The following SNTN variants were observed in gnomAD, a reference collection of about 807,000 sequenced individuals.
The protein encoded by SNTN is sentan.
SNTN carries 13 observed loss-of-function variants against 12.3 expected under a neutral mutation model. The ratio of observed to expected loss-of-function variants is 1.05; its 90% confidence interval spans 0.69 to 1.67. SNTN has a LOEUF of 1.67. Among genes scored for constraint, SNTN ranks in the 40% most tolerant of loss-of-function variants. The pLI is 0.00. For synonymous variants in SNTN, 69 were observed against 58.5 expected, an observed-to-expected ratio of 1.18 and a Z score of -0.82; for missense variants, 189 against 169.8, an observed-to-expected ratio of 1.11 and a Z score of -0.63.
At chr3:63,663,812 T>C in intron 3 of SNTN, 125 bp from the exon 4 acceptor site, 2 of 1,276,732 alleles carry the variant, frequency 1.6e-6, no homozygotes, top group Non-Finnish European at 2.2e-6. Context: ...CTTTTTTCTT[T>C]ATAAATCACT....
intron 2 of SNTN, among the ~76,000 whole-genome samples, chr3:63,657,529 C>A (rs1309810391): frequency 6.6e-6 from 1 of 152,190 alleles, no homozygotes; most frequent in African/African-American, 2.4e-5. Flanking sequence ...TTAGAACAAC[C>A]AGAGTTCCTC....
intron 3 of SNTN, among the ~76,000 whole-genome samples, chr3:63,662,329 C>A (rs1333982910): frequency 6.6e-6 from 1 of 152,172 alleles, no homozygotes; most frequent in Non-Finnish European, 1.5e-5. Context: ...TGGCGAAGGC[C>A]TGAGTTCTAA....
At chr3:63,653,377 G>A (rs1013283294) in intron 1 of SNTN, among the ~76,000 whole-genome samples, 2 of 152,036 alleles carry the variant, frequency 1.3e-5, no homozygotes, top group African/African-American at 4.8e-5. Context: ...ATTGTGCAAA[G>A]TGAAACGTCC....
intron 2 of SNTN, among the ~76,000 whole-genome samples, chr3:63,655,960 T>C (rs1433278330): frequency 6.6e-6 from 1 of 152,030 alleles, no homozygotes; most frequent in Non-Finnish European, 1.5e-5. Context: ...AGTGGGAAAA[T>C]TTGAGAAGCA....
intron 3 of SNTN, 175 bp from the exon 4 acceptor site, chr3:63,663,762 C>G: frequency 1.3e-6 from 1 of 781,152 alleles, no homozygotes; most frequent in Non-Finnish European, 2.2e-6. Context: ...GATGCCTGAT[C>G]TTGAACTTTC....
chr3:63,657,967 C>A (rs1355827155), intron 2 of SNTN, among the ~76,000 whole-genome samples: 1 of 152,198 alleles, frequency 6.6e-6, no homozygotes, highest in Admixed American at 6.5e-5. Flanking sequence ...ATCCTCCTCA[C>A]CTTTAACTGA....
At chr3:63,661,657 A>ATT (rs111581054) in intron 3 of SNTN, among the ~76,000 whole-genome samples, 31 of 146,610 alleles carry the variant, frequency 2.1e-4, no homozygotes, top group South Asian at 1.9e-3. Flanking sequence ...TATTTTTCTG[A>ATT]TTTTTTTTTT....
In SNTN at chr3:63,664,389, A is replaced by T. The variant is rs956292982; in HGVS notation, c.*294A>T. 4.4e-6 allele frequency: 1 copy of T among 225,600 alleles called. No individual in the cohort carries two copies. The highest frequency in any genetic ancestry group is 8.6e-6 in the Non-Finnish European group (1 of 116,036). The allele number at this position is 225,600 out of a possible 1,614,324, so 14.0% of individuals were successfully genotyped here. A position where few individuals can be genotyped will look rare whatever the true frequency, so the allele number is the denominator to read the frequency against. ...TAGAGCACTCTACTTATAGTCATTG[A>T]GTCACTCATTTATTCACTAAACATT... is the stretch of plus-strand genomic sequence containing the variant. On this transcript the variant is annotated 3_prime_UTR_variant, in exon 4 of 4. Transcript: ENST00000343837.
intron 3 of SNTN, 157 bp from the exon 4 acceptor site, chr3:63,663,780 C>T (rs1700768603): frequency 3.3e-6 from 3 of 897,096 alleles, no homozygotes; most frequent in Non-Finnish European, 5.4e-6. Flanking sequence ...TTCCAGCCAT[C>T]AGAATTGTAA....
chr3:63,654,695 T>C lies in SNTN; in HGVS notation c.111-67T>C, dbSNP rs555726951. The C allele has an allele frequency of 9.8e-5, 132 of 1,349,556 alleles. 2 individuals are homozygous for C. In the South Asian group the frequency reaches 1.5e-3, roughly 15 times the overall value. The allele number at this position is 1,349,556 out of a possible 1,614,324, so 83.6% of individuals were successfully genotyped here. ...CAATTTTTAAATCATTATATTGCTC[T>C]GCTATAGATGCTGATATCAATACCC... On this transcript the variant is annotated intron_variant, in intron 1 of 3. Transcript: ENST00000343837.
intron 2 of SNTN, among the ~76,000 whole-genome samples, chr3:63,658,840 G>A (rs1245982483): frequency 6.6e-6 from 1 of 152,120 alleles, no homozygotes; most frequent in East Asian, 1.9e-4. Flanking sequence ...ACTGAAAGCT[G>A]GGACATTTTG....
chr3:63,659,576 T>C (rs4688419), intron 2 of SNTN, 149 bp from the exon 3 acceptor site: 122,220 of 774,058 alleles, frequency 0.16, 10,186 homozygotes, highest in South Asian at 0.2. Flanking sequence ...GATGCAGGAT[T>C]GGAAACTCCC....
Position 63,652,742 on chromosome 3 carries a change from C to T in SNTN, c.55C>T (p.Pro19Ser). The T allele has an allele frequency of 2.5e-6, 4 of 1,614,048 alleles. No individual in the cohort carries two copies. Among genetic ancestry groups the T allele is most frequent in the Non-Finnish European group, 3.4e-6 (4 of 1,179,966 alleles). ...CAAATCTCTCCACTTGGAAGGAGAT[C>T]CCAATCCTTCTGCAGCCCCAACATC... The part of the protein sequence containing the change: ...QDKSLHLEGD[P>S]NPSAAPTSTC... The change falls in exon 1 of 4, where the codon CCC becomes TCC. Residue 19 changes from proline to serine, a missense_variant. Physicochemically the swap from Pro to Ser is moderately conservative, Grantham distance 74 (BLOSUM62 -1). Transcript: ENST00000343837.
Position 63,664,370 on chromosome 3 carries a change from A to T in SNTN, c.*275A>T. On this transcript the variant is annotated 3_prime_UTR_variant, in exon 4 of 4. Coordinates refer to ENST00000343837, the MANE Select transcript of SNTN (RefSeq NM_001080537.2). The stretch of plus-strand genomic sequence containing the variant: ...TGCTGAGTCAGTAGCGACCTAGAGC[A>T]CTCTACTTATAGTCATTGAGTCACT... 3.4e-6 allele frequency: 1 copy of T among 296,172 alleles called. No homozygotes were observed. Among genetic ancestry groups the T allele is most frequent in the Non-Finnish European group, 6.3e-6 (1 of 159,476 alleles). 18.3% of individuals were successfully genotyped at this position (296,172 alleles called of 1,614,324 possible).
At chr3:63,658,865 A>G (rs13059251) in intron 2 of SNTN, among the ~76,000 whole-genome samples, 28,784 of 152,184 alleles carry the variant, frequency 0.19, 2,878 homozygotes, top group African/African-American at 0.26. Flanking sequence ...TATTTTCTTC[A>G]GATTCATTCA....
chr3:63,655,192 G>A (rs1700663698), intron 2 of SNTN, among the ~76,000 whole-genome samples: 1 of 152,186 alleles, frequency 6.6e-6, no homozygotes. Context: ...TGTTGACTGA[G>A]TGGAAACAGT....
At chr3:63,655,319 T>G (rs575460344) in intron 2 of SNTN, among the ~76,000 whole-genome samples, 1 of 152,318 alleles carries the variant, frequency 6.6e-6, no homozygotes, top group South Asian at 2.1e-4. Context: ...AACGCTTGTA[T>G]ACTTGGATCA....
chr3:63,662,980 A>G (rs1271363369), intron 3 of SNTN, among the ~76,000 whole-genome samples: 3 of 152,248 alleles, frequency 2.0e-5, no homozygotes, highest in African/African-American at 7.2e-5. Context: ...CTGTGAACAT[A>G]GTTTGATTTA....
intron 3 of SNTN, among the ~76,000 whole-genome samples, chr3:63,663,405 TTGA>T (rs1322368197): frequency 1.3e-5 from 2 of 152,232 alleles, no homozygotes; most frequent in Non-Finnish European, 2.9e-5. Flanking sequence ...TGTTGGCAAC[TTGA>T]TGTGTTATTA....
Sources: allele counts gnomAD v4.1 joint callset (sites outside exome capture counted in the v4.1 genomes callset), GRCh38; gene constraint gnomAD v4.1.1; transcripts MANE v1.5; gene names NCBI Gene and HGNC (gene_info 2026-07-23, HGNC 2026-07-21).